The following SAMD12 variants were observed in gnomAD, a reference collection of about 807,000 sequenced individuals.
SAMD12 encodes sterile alpha motif domain containing 12, also known as sterile alpha motif domain-containing protein 12.
SAMD12 carries 9 observed loss-of-function variants against 15.0 expected under a neutral mutation model. That is an observed-to-expected ratio of 0.60 (90% CI 0.36 to 1.05). The LOEUF is 1.05. Ranked by LOEUF, SAMD12 falls within the 50% of genes least tolerant of loss-of-function variation. SAMD12 has a pLI of 0.01. For synonymous variants in SAMD12, 86 were observed against 90.1 expected, an observed-to-expected ratio of 0.96 and a Z score of 0.25; for missense variants, 230 against 234.2, an observed-to-expected ratio of 0.98 and a Z score of 0.12.
At chr8:118,232,161 C>G (rs564991731) in intron 4 of SAMD12, among the ~76,000 whole-genome samples, 2 of 152,126 alleles carry the variant, frequency 1.3e-5, no homozygotes, top group Non-Finnish European at 2.9e-5. Flanking sequence ...TAAGACAGGC[C>G]TCCTCCTGAG....
chr8:118,228,840 A>C (rs918327597), intron 4 of SAMD12, among the ~76,000 whole-genome samples: 4 of 152,228 alleles, frequency 2.6e-5, no homozygotes, highest in African/African-American at 9.6e-5. Context: ...TTGCATATGC[A>C]TGTTTATAGC....
At chr8:118,411,797 A>G (rs1821420187) in intron 3 of SAMD12, among the ~76,000 whole-genome samples, 1 of 152,150 alleles carries the variant, frequency 6.6e-6, no homozygotes, top group Admixed American at 6.6e-5. Context: ...GGGGAGGGCT[A>G]AAAACACTGT....
At chr8:118,212,851 G>A (rs1811867227) in intron 4 of SAMD12, among the ~76,000 whole-genome samples, 1 of 152,132 alleles carries the variant, frequency 6.6e-6, no homozygotes, top group African/African-American at 2.4e-5. Context: ...AGACTTCCTA[G>A]ATTGTAAAAG....
At chr8:118,538,061 A>G (rs1825894931) in intron 2 of SAMD12, among the ~76,000 whole-genome samples, 1 of 152,228 alleles carries the variant, frequency 6.6e-6, no homozygotes, top group Non-Finnish European at 1.5e-5. Context: ...TAGAGGTGCC[A>G]CATTGGTGGT....
chr8:118,457,238 G>GT (rs1823285361), intron 2 of SAMD12, among the ~76,000 whole-genome samples: 1 of 87,944 alleles, frequency 1.1e-5, no homozygotes. Flanking sequence ...TTTTTTTTTT[G>GT]TTTGCTTTTT....
intron 2 of SAMD12, among the ~76,000 whole-genome samples, chr8:118,553,426 T>C (rs1586813829): frequency 6.6e-6 from 1 of 152,090 alleles, no homozygotes; most frequent in Non-Finnish European, 1.5e-5. Context: ...AAACAAGAAA[T>C]GGGGAAAGGA....
intron 3 of SAMD12, among the ~76,000 whole-genome samples, chr8:118,398,692 G>A (rs1820713680): frequency 6.6e-6 from 1 of 152,136 alleles, no homozygotes; most frequent in Non-Finnish European, 1.5e-5. Context: ...GGAATTGGGG[G>A]AGAAAGGTTG....
At chr8:118,398,783 G>A (rs1296581850) in intron 3 of SAMD12, among the ~76,000 whole-genome samples, 3 of 152,108 alleles carry the variant, frequency 2.0e-5, no homozygotes, top group African/African-American at 4.8e-5. Flanking sequence ...TTGTAGTGAT[G>A]GTTTCACAGG....
exon 5 of SAMD12, chr8:118,189,662 C>G (rs558284802): frequency 1.4e-4 from 22 of 152,200 alleles, no homozygotes; most frequent in African/African-American, 3.9e-4. Context: ...CCCCTCAACT[C>G]TTTTTGAGGA....
chr8:118,568,314 T>C (rs1008654351), intron 2 of SAMD12, among the ~76,000 whole-genome samples: 1 of 152,112 alleles, frequency 6.6e-6, no homozygotes, highest in African/African-American at 2.4e-5. Context: ...AGGTACCTGG[T>C]TTGAACTAGG....
At chr8:118,303,720 C>T (rs945777717) in intron 4 of SAMD12, among the ~76,000 whole-genome samples, 3 of 151,864 alleles carry the variant, frequency 2.0e-5, no homozygotes, top group Admixed American at 6.6e-5. Context: ...GTTTTGTTTA[C>T]CTCCTAATTT....
At chr8:118,385,608 T>C (rs1232584952) in intron 3 of SAMD12, among the ~76,000 whole-genome samples, 1 of 152,192 alleles carries the variant, frequency 6.6e-6, no homozygotes, top group Non-Finnish European at 1.5e-5. Context: ...GTATATACCC[T>C]CTTGGTTTTG....
At chr8:118,286,207 A>G (rs537748720) in intron 4 of SAMD12, among the ~76,000 whole-genome samples, 1 of 151,690 alleles carries the variant, frequency 6.6e-6, no homozygotes, top group South Asian at 2.1e-4. Flanking sequence ...TAGGAGATAT[A>G]CCTAACGTAA....
chr8:118,513,335 T>C (rs1165889105), intron 2 of SAMD12, among the ~76,000 whole-genome samples: 2 of 152,218 alleles, frequency 1.3e-5, no homozygotes, highest in Admixed American at 1.3e-4. Context: ...GGTGTTTGAA[T>C]ACATTGATCA....
At chr8:118,300,181 T>C (rs1394860103) in intron 4 of SAMD12, among the ~76,000 whole-genome samples, 1 of 152,182 alleles carries the variant, frequency 6.6e-6, no homozygotes, top group Non-Finnish European at 1.5e-5. Flanking sequence ...TTCAATATCC[T>C]CCTTGTAGCT....
chr8:118,466,038 T>A (rs1177858093), intron 2 of SAMD12, among the ~76,000 whole-genome samples: 2 of 152,206 alleles, frequency 1.3e-5, no homozygotes, highest in Non-Finnish European at 2.9e-5. Flanking sequence ...GAATTGAAGA[T>A]ATTCTCCATC....
At chr8:118,287,857 C>T (rs1483776163) in intron 4 of SAMD12, among the ~76,000 whole-genome samples, 1 of 152,086 alleles carries the variant, frequency 6.6e-6, no homozygotes, top group Admixed American at 6.5e-5. Flanking sequence ...CATGGAAAAG[C>T]CCCTAATAAA....
chr8:118,273,675 T>A (rs150894999), intron 4 of SAMD12, among the ~76,000 whole-genome samples: 2,368 of 152,198 alleles, frequency 0.016, 23 homozygotes, highest in Middle Eastern at 0.058. Flanking sequence ...AGACTGTCAA[T>A]ACATGGCCTT....
In SAMD12 at chr8:118,231,806, G is replaced by A. The variant is rs1027449429; in HGVS notation, c.434-34074C>T. 4.6e-5 allele frequency among the ~76,000 whole-genome samples: 7 copies of A among 152,020 alleles called. No individual in the cohort carries two copies. The East Asian group carries it at 1.4e-3, about 29-fold the overall frequency. On this transcript the variant is annotated intron_variant, in intron 4 of 4. Transcript: ENST00000409003. ...GCCAGATGCTACATGCCCCAGCATC[G>A]CTTGCAATTTGGTATGGCCATGTGA...
Sources: gnomAD v4.1 joint callset for allele counts (sites outside exome capture counted in the v4.1 genomes callset) on GRCh38, gnomAD v4.1.1 for gene constraint, MANE v1.5 for transcripts, NCBI Gene and HGNC (gene_info 2026-07-23, HGNC 2026-07-21) for gene names.